Variants in ANO2 observed in about 807,000 individuals in gnomAD.
ANO2 encodes the protein anoctamin-2.
A neutral mutation model predicts 124.2 loss-of-function variants in ANO2; 101 were observed. The observed-to-expected ratio is 0.81, with a 90% CI of 0.69 to 0.96. The LOEUF is 0.96. Ranked by LOEUF, ANO2 falls within the 40% of genes least tolerant of loss-of-function variation. The probability of loss-of-function intolerance (pLI) is 0.00; values close to 1 mark genes in which losing one functional copy is unlikely to be tolerated. For missense variants in ANO2, 1,293 were observed against 1,274.5 expected (o/e 1.01, Z -0.22); for synonymous variants, 486 against 482.5 (o/e 1.01, Z -0.09).
chr12:5,792,256 G>A (rs535778652), intron 10 of ANO2, among the ~76,000 whole-genome samples: 3 of 152,290 alleles, frequency 2.0e-5, no homozygotes, highest in East Asian at 1.9e-4. Context: ...GGGCAGGTGC[G>A]TCAGGGTCTG....
At chr12:5,730,116 T>C (rs1189489068) in intron 14 of ANO2, among the ~76,000 whole-genome samples, 3 of 152,054 alleles carry the variant, frequency 2.0e-5, no homozygotes, top group Non-Finnish European at 4.4e-5. Flanking sequence ...GCATATTGAA[T>C]TGTGCATATA....
intron 3 of ANO2, among the ~76,000 whole-genome samples, chr12:5,871,898 A>C (rs1175573647): frequency 6.6e-6 from 1 of 152,202 alleles, no homozygotes; most frequent in Non-Finnish European, 1.5e-5. Context: ...TGGGCTGGAA[A>C]GTCCAGCTTG....
intron 14 of ANO2, among the ~76,000 whole-genome samples, chr12:5,704,697 A>G (rs202216982): frequency 3.2e-4 from 48 of 148,772 alleles, no homozygotes; most frequent in African/African-American, 1.1e-3. Flanking sequence ...TGGTGTGTGT[A>G]TGTGTGTGTG....
chr12:5,672,147 C>T (rs1376152009), intron 14 of ANO2, among the ~76,000 whole-genome samples: 2 of 152,202 alleles, frequency 1.3e-5, no homozygotes, highest in South Asian at 2.1e-4. Context: ...CCCCACCGCA[C>T]CAATTCCCCA....
At chr12:5,783,284 C>A (rs1057500037) in intron 10 of ANO2, among the ~76,000 whole-genome samples, 1 of 152,190 alleles carries the variant, frequency 6.6e-6, no homozygotes, top group African/African-American at 2.4e-5. Context: ...CACTTCAAAT[C>A]TTGATTCTCT....
chr12:5,880,338 A>G (rs1309373485), intron 3 of ANO2, among the ~76,000 whole-genome samples: 1 of 151,802 alleles, frequency 6.6e-6, no homozygotes, highest in Non-Finnish European at 1.5e-5. Context: ...AGCATTTGAG[A>G]GTCATCGTAG....
At chr12:5,708,941 A>T (rs1697038909) in intron 14 of ANO2, among the ~76,000 whole-genome samples, 1 of 152,216 alleles carries the variant, frequency 6.6e-6, no homozygotes, top group African/African-American at 2.4e-5. Flanking sequence ...TCCTTGTTTA[A>T]TGCCAGTCTT....
intron 20 of ANO2, among the ~76,000 whole-genome samples, chr12:5,590,468 A>G (rs568259111): frequency 4.6e-5 from 7 of 152,208 alleles, no homozygotes; most frequent in Non-Finnish European, 1.0e-4. Context: ...GAACTCAGAA[A>G]ACAGTCAAGG....
intron 13 of ANO2, 98 bp from the exon 14 acceptor site, chr12:5,732,728 G>T: frequency 6.6e-7 from 1 of 1,522,326 alleles, no homozygotes; most frequent in African/African-American, 1.4e-5. Flanking sequence ...TCAGCGTTTA[G>T]GATTGGATGC....
chr12:5,752,671 C>CA (rs1951473075), intron 10 of ANO2, among the ~76,000 whole-genome samples: 1 of 152,154 alleles, frequency 6.6e-6, no homozygotes, highest in African/African-American at 2.4e-5. Context: ...TCCCATTCTG[C>CA]ATATTGACTT....
At chr12:5,565,440 A>C (rs1461735086) in intron 24 of ANO2, 118 bp downstream of exon 24, 5 of 902,636 alleles carry the variant, frequency 5.5e-6, no homozygotes, top group Non-Finnish European at 8.5e-6. Context: ...CCACACATGA[A>C]GCTTTCTTAT....
intron 3 of ANO2, among the ~76,000 whole-genome samples, chr12:5,873,241 CTCT>C (rs1937849313): frequency 6.9e-5 from 10 of 144,270 alleles, no homozygotes; most frequent in African/African-American, 2.8e-4. Context: ...CTCTCTCTCT[CTCT>C]CTGTCTGTCT....
chr12:5,653,179 G>A (rs1946991879), intron 14 of ANO2, among the ~76,000 whole-genome samples: 1 of 152,178 alleles, frequency 6.6e-6, no homozygotes, highest in Non-Finnish European at 1.5e-5. Context: ...CATTCTTTGG[G>A]AAGCCCACAA....
At chr12:5,931,044 A>C (rs1480612826) in intron 1 of ANO2, among the ~76,000 whole-genome samples, 1 of 152,044 alleles carries the variant, frequency 6.6e-6, no homozygotes, top group Non-Finnish European at 1.5e-5. Context: ...CCTACTGCTT[A>C]TCTTGCTTCT....
At chr12:5,766,040 A>C (rs921008369) in intron 10 of ANO2, among the ~76,000 whole-genome samples, 1 of 152,208 alleles carries the variant, frequency 6.6e-6, no homozygotes, top group African/African-American at 2.4e-5. Context: ...AAAATGAAAA[A>C]AGATGGAAAA....
rs184499027 is a variant in ANO2 at position 5,769,507 on chromosome 12, C to A, written c.1056-18537G>T. ...TGAGAGCTAGGAAAGTAAATTACAG[C>A]AAGAAAAACAAAGCAGGCAGAAACC... is the stretch of plus-strand genomic sequence containing the variant. On this transcript the variant is annotated intron_variant, in intron 10 of 24. Coordinates refer to ENST00000682330, the MANE Select transcript of ANO2 (RefSeq NM_001364791.2). The surrounding 1 kb of genome is among the most constrained non-coding windows in gnomAD (Gnocchi z 4.0). Among the ~76,000 whole-genome samples, 361 of 152,248 alleles carry A rather than the reference C, an allele frequency of 2.4e-3. No homozygotes were observed. Among genetic ancestry groups the A allele is most frequent in the Non-Finnish European group, 4.2e-3 (285 of 68,024 alleles).
intron 4 of ANO2, among the ~76,000 whole-genome samples, chr12:5,836,614 A>G (rs1954327309): frequency 6.6e-6 from 1 of 152,192 alleles, no homozygotes; most frequent in Non-Finnish European, 1.5e-5. Context: ...CATCCCATGG[A>G]ACCTGTAGAA....
At chr12:5,873,198 T>TCGCTCG (rs1555176480) in intron 3 of ANO2, among the ~76,000 whole-genome samples, 2 of 25,278 alleles carry the variant, frequency 7.9e-5, no homozygotes, top group Non-Finnish European at 1.4e-4. Context: ...CTAAAGCAGC[T>TCGCTCG]CTCTCTCTCT....
At chr12:5,649,639 CTG>C (rs1191100481) in intron 14 of ANO2, among the ~76,000 whole-genome samples, 1 of 152,160 alleles carries the variant, frequency 6.6e-6, no homozygotes, top group Non-Finnish European at 1.5e-5. Context: ...GAGTCTCACT[CTG>C]TTGCCCAGGC....
Sources: allele counts gnomAD v4.1 joint callset (sites outside exome capture counted in the v4.1 genomes callset), GRCh38; gene constraint gnomAD v4.1.1; non-coding constraint Gnocchi (gnomAD v3.1); transcripts MANE v1.5; gene names NCBI Gene and HGNC (gene_info 2026-07-23, HGNC 2026-07-21).